ZBTB7C: variants seen among roughly 807,000 people sequenced by gnomAD.
ZBTB7C encodes zinc finger and BTB domain-containing protein 7C.
Under a neutral mutation model 25.7 loss-of-function variants are expected in ZBTB7C, and 8 were observed. The observed-to-expected ratio is 0.31, with a 90% confidence interval of 0.18 to 0.56. The LOEUF (loss-of-function observed/expected upper bound fraction) is 0.56, where lower values mean the gene tolerates loss of function less well. Among genes scored for constraint, ZBTB7C ranks in the 20% least tolerant of loss-of-function variants. ZBTB7C has a pLI of 0.91. For synonymous variants in ZBTB7C, 394 were observed against 369.0 expected (o/e 1.07, Z -0.78); for missense variants, 824 against 855.2 (o/e 0.96, Z 0.46).
At chr18:48,279,719 C>T (rs375739574) in intron 2 of ZBTB7C, among the ~76,000 whole-genome samples, 4 of 152,178 alleles carry the variant, frequency 2.6e-5, no homozygotes, top group Admixed American at 6.5e-5. Context: ...GTGGGAGCTG[C>T]GCAAAGCAAG....
intron 2 of ZBTB7C, among the ~76,000 whole-genome samples, chr18:48,301,487 T>C (rs532327783): frequency 9.2e-5 from 14 of 151,972 alleles, no homozygotes; most frequent in African/African-American, 2.9e-4. Context: ...TCAAAATAAA[T>C]AGCAAGCCAT....
chr18:48,179,533 A>G (rs563340813), intron 3 of ZBTB7C, among the ~76,000 whole-genome samples: 3 of 152,126 alleles, frequency 2.0e-5, no homozygotes. Flanking sequence ...AGAAAAGGGA[A>G]GAGCCGGGAG....
At chr18:48,242,727 C>T (rs1039140990) in intron 2 of ZBTB7C, among the ~76,000 whole-genome samples, 11 of 152,054 alleles carry the variant, frequency 7.2e-5, no homozygotes, top group East Asian at 1.9e-4. Flanking sequence ...CTATGACAAA[C>T]GCACAGCCAA....
At chr18:48,068,796 T>C (rs1235000737) in intron 3 of ZBTB7C, among the ~76,000 whole-genome samples, 2 of 152,218 alleles carry the variant, frequency 1.3e-5, no homozygotes, top group Non-Finnish European at 2.9e-5. Flanking sequence ...CTCTAAAGTT[T>C]GACAGCTCTG....
At chr18:48,250,360 C>T (rs192712203) in intron 2 of ZBTB7C, among the ~76,000 whole-genome samples, 31 of 152,290 alleles carry the variant, frequency 2.0e-4, no homozygotes, top group African/African-American at 6.0e-4. Flanking sequence ...AAACTCTCTG[C>T]GCCTCACTTT....
At chr18:48,048,322 G>A (rs749500797) in intron 3 of ZBTB7C, among the ~76,000 whole-genome samples, 16 of 152,170 alleles carry the variant, frequency 1.1e-4, no homozygotes, top group African/African-American at 2.4e-4. Context: ...ATTTGAATCC[G>A]GAATGGATCT....
intron 2 of ZBTB7C, among the ~76,000 whole-genome samples, chr18:48,245,090 G>GTATATATATATATA (rs138848813): frequency 0.036 from 3,952 of 109,244 alleles, 156 homozygotes; most frequent in African/African-American, 0.093. Context: ...GTGTGTGTGT[G>GTATATATATATATA]TGTATATATA....
At chr18:48,102,746 G>A (rs984957579) in intron 3 of ZBTB7C, among the ~76,000 whole-genome samples, 1 of 152,010 alleles carries the variant, frequency 6.6e-6, no homozygotes, top group Non-Finnish European at 1.5e-5. Flanking sequence ...TGCATCCAAG[G>A]AGAGCAATGG....
At chr18:48,398,644 CAA>C (rs1025484784) in intron 1 of ZBTB7C, among the ~76,000 whole-genome samples, 1 of 152,160 alleles carries the variant, frequency 6.6e-6, no homozygotes, top group Non-Finnish European at 1.5e-5. Context: ...CTTCTCCCAT[CAA>C]AGTCACTGGC....
chr18:48,272,372 T>G (rs2044519654), intron 2 of ZBTB7C, among the ~76,000 whole-genome samples: 1 of 152,198 alleles, frequency 6.6e-6, no homozygotes, highest in Admixed American at 6.5e-5. Context: ...CTCTGAGACT[T>G]ATACCCTTGG....
At chr18:48,228,780 C>T (rs1282994815) in intron 2 of ZBTB7C, among the ~76,000 whole-genome samples, 4 of 151,868 alleles carry the variant, frequency 2.6e-5, no homozygotes, top group African/African-American at 9.7e-5. Flanking sequence ...CACACTCGTG[C>T]TCATACACAC....
chr18:48,083,468 A>G (rs1278012391), intron 3 of ZBTB7C, among the ~76,000 whole-genome samples: 2 of 149,684 alleles, frequency 1.3e-5, no homozygotes, highest in Non-Finnish European at 3.0e-5. Context: ...CCCATCCCAC[A>G]CCTCCTCATA....
chr18:48,153,373 G>C (rs1249123155), intron 3 of ZBTB7C, among the ~76,000 whole-genome samples: 3 of 152,156 alleles, frequency 2.0e-5, no homozygotes, highest in Non-Finnish European at 2.9e-5. Flanking sequence ...AGCTAATAGA[G>C]GGAGAGGAGC....
At chr18:48,071,400 C>T (rs940261999) in intron 3 of ZBTB7C, among the ~76,000 whole-genome samples, 24 of 152,210 alleles carry the variant, frequency 1.6e-4, no homozygotes, top group African/African-American at 5.8e-4. Context: ...AACAGATGCT[C>T]ACCATCACTA....
chr18:48,332,339 T>C (rs1469530425), intron 2 of ZBTB7C, among the ~76,000 whole-genome samples: 2 of 152,222 alleles, frequency 1.3e-5, no homozygotes, highest in African/African-American at 2.4e-5. Flanking sequence ...GCTATCACTT[T>C]ATCAGCATTA....
At chr18:48,321,347 A>G (rs557835635) in intron 2 of ZBTB7C, among the ~76,000 whole-genome samples, 7 of 152,164 alleles carry the variant, frequency 4.6e-5, no homozygotes, top group Non-Finnish European at 8.8e-5. Flanking sequence ...CAGCCCAGAG[A>G]TGAGCTGACT....
intron 3 of ZBTB7C, among the ~76,000 whole-genome samples, chr18:48,050,226 A>T (rs2144238369): frequency 6.6e-6 from 1 of 152,152 alleles, no homozygotes; most frequent in Admixed American, 6.5e-5. Context: ...CCAGCCCTAG[A>T]TCTCTGCTGG....
chr18:48,328,019 T>C (rs1209884931), intron 2 of ZBTB7C, among the ~76,000 whole-genome samples: 1 of 151,796 alleles, frequency 6.6e-6, no homozygotes, highest in African/African-American at 2.4e-5. Flanking sequence ...CCATCCTGGC[T>C]AACACGGTGA....
At chr18:48,368,088 A>G (rs1336088866) in intron 1 of ZBTB7C, among the ~76,000 whole-genome samples, 1 of 152,174 alleles carries the variant, frequency 6.6e-6, no homozygotes, top group Non-Finnish European at 1.5e-5. Context: ...GGAGATCCCA[A>G]ACTGAATGAG....
Sources: gnomAD v4.1 joint callset for allele counts (sites outside exome capture counted in the v4.1 genomes callset) on GRCh38, gnomAD v4.1.1 for gene constraint, MANE v1.5 for transcripts, NCBI Gene and HGNC (gene_info 2026-07-23, HGNC 2026-07-21) for gene names.